GLYATL1: variants seen among roughly 807,000 people sequenced by gnomAD.
The protein encoded by GLYATL1 is glycine N-acyltransferase-like protein 1.
GLYATL1 carries 15 observed loss-of-function variants against 20.0 expected under a neutral mutation model. That is an observed-to-expected ratio of 0.75 (90% CI 0.50 to 1.15). The LOEUF (loss-of-function observed/expected upper bound fraction) is 1.15, where lower values mean the gene tolerates loss of function less well. GLYATL1 is among the 50% of genes most tolerant of loss of function. The probability of loss-of-function intolerance (pLI) is 0.00; values close to 1 mark genes in which losing one functional copy is unlikely to be tolerated. For missense variants in GLYATL1, 380 were observed against 368.5 expected (o/e 1.03, Z -0.26); for synonymous variants, 151 against 131.5 (o/e 1.15, Z -1.01).
At chr11:58,947,317 C>T in intron 3 of GLYATL1, 152 bp downstream of exon 3, 1 of 1,086,070 alleles carries the variant, frequency 9.2e-7, no homozygotes, top group East Asian at 2.6e-5. Context: ...ATATCAAGAG[C>T]TGCTGCTTCT....
upstream of GLYATL1, among the ~76,000 whole-genome samples, chr11:58,925,764 A>AT (rs1855413086): frequency 1.3e-5 from 2 of 152,202 alleles, no homozygotes; most frequent in East Asian, 3.8e-4. Context: ...AATTTAGAAA[A>AT]TTATGGGTAA....
intron 4 of GLYATL1, among the ~76,000 whole-genome samples, chr11:58,953,648 G>T (rs1422283456): frequency 2.6e-5 from 4 of 151,346 alleles, no homozygotes; most frequent in African/African-American, 9.7e-5. Context: ...TATTTACTTG[G>T]CTATTTTTGG....
At chr11:58,911,395 A>T (rs1855038853), downstream of GLYATL1, among the ~76,000 whole-genome samples, 1 of 152,206 alleles carries the variant, frequency 6.6e-6, no homozygotes, top group Non-Finnish European at 1.5e-5. Context: ...AGAAATTGTC[A>T]AAATCTTCAA....
intron 1 of GLYATL1, among the ~76,000 whole-genome samples, chr11:58,919,127 A>G (rs933037464): frequency 6.6e-6 from 1 of 152,250 alleles, no homozygotes; most frequent in African/African-American, 2.4e-5. Flanking sequence ...TGTCAGACTT[A>G]TAGGCATTCT....
rs749440967 is a variant in GLYATL1, at chr11:58,956,327, C to A, written c.*300C>A. 2.0e-5 allele frequency: 7 copies of A among 346,070 alleles called. No homozygotes were observed. The highest frequency in any genetic ancestry group is 4.3e-5 in the Admixed American group (1 of 23,522). 21.4% of individuals were successfully genotyped at this position (346,070 alleles called of 1,614,324 possible). On this transcript the variant is annotated 3_prime_UTR_variant, in exon 7 of 7. Transcript: ENST00000532726. Reference sequence around the variant, plus strand: ...CAGTTCTTACCTCTGGGAATCAGAACTCTTTATGCAACTTGGTTAATAGAA... The same window carrying A: ...CAGTTCTTACCTCTGGGAATCAGAAATCTTTATGCAACTTGGTTAATAGAA...
At position 58,943,380 on chromosome 11, in the gene GLYATL1, ACATCACTT is replaced by A. The variant is rs558661502; in HGVS notation, c.-166-162_-166-155del. The A allele has an allele frequency of 5.2e-6, 8 of 1,541,848 alleles. No homozygotes were observed. In the African/African-American group the frequency reaches 6.9e-5, roughly 13 times the overall value. ...TCTGTACCTGATTTCTGGTTCCTGTACATCACTTTACCTTTTTTGTCTATAAATTCATT... is the reference window on the plus strand; with the variant it reads ...TCTGTACCTGATTTCTGGTTCCTGTATACCTTTTTTGTCTATAAATTCATT... On this transcript the variant is annotated intron_variant, in intron 1 of 6. Coordinates refer to ENST00000532726, the MANE Select transcript of GLYATL1 (RefSeq NM_001389712.2).
downstream of GLYATL1, among the ~76,000 whole-genome samples, chr11:58,912,001 G>C (rs1217083172): frequency 6.6e-6 from 1 of 152,054 alleles, no homozygotes; most frequent in Non-Finnish European, 1.5e-5. Context: ...TGTGATATCT[G>C]GGTCAAATTT....
At chr11:58,916,824 T>C (rs1855184691) in intron 1 of GLYATL1, among the ~76,000 whole-genome samples, 3 of 152,360 alleles carry the variant, frequency 2.0e-5, no homozygotes, top group Middle Eastern at 3.4e-3. Context: ...GATTTATTGA[T>C]GTGAAAGTAC....
intron 1 of GLYATL1, among the ~76,000 whole-genome samples, chr11:58,916,807 A>T (rs1262798462): frequency 6.6e-6 from 1 of 152,266 alleles, no homozygotes; most frequent in Admixed American, 6.5e-5. Flanking sequence ...GAAGCAATGT[A>T]AGCATAGATT....
Position 58,940,666 on chromosome 11 carries a change from C to G in GLYATL1, c.-167+1016C>G, listed in dbSNP as rs180734984. Among the ~76,000 whole-genome samples the G allele has an allele frequency of 3.9e-5, 6 of 152,290 alleles. 1 individual carries two copies. The East Asian group carries it at 1.2e-3, about 29-fold the overall frequency. On this transcript the variant is annotated intron_variant, in intron 1 of 6. Coordinates refer to ENST00000532726, the MANE Select transcript of GLYATL1 (RefSeq NM_001389712.2). ...AAATGTCATCATAGTTGTCAGCATA[C>G]ATTTTTGTCTGGGTTTTGTATTTGT... is the stretch of plus-strand genomic sequence containing the variant.
upstream of GLYATL1, among the ~76,000 whole-genome samples, chr11:58,936,592 C>A (rs1855847018): frequency 6.6e-6 from 1 of 152,100 alleles, no homozygotes; most frequent in Non-Finnish European, 1.5e-5. Context: ...AGGGACTAAG[C>A]AAATAATGAA....
chr11:58,924,419 G>A (rs1855378441), upstream of GLYATL1, among the ~76,000 whole-genome samples: 1 of 152,122 alleles, frequency 6.6e-6, no homozygotes, highest in South Asian at 2.1e-4. Context: ...ATGCTCTAAG[G>A]TAAGAACCAG....
At chr11:58,917,523 G>A (rs1249578553) in intron 1 of GLYATL1, among the ~76,000 whole-genome samples, 1 of 152,214 alleles carries the variant, frequency 6.6e-6, no homozygotes, top group African/African-American at 2.4e-5. Flanking sequence ...AGTTGTGACA[G>A]GTGTATAACT....
chr11:58,924,695 C>T (rs1855386176), upstream of GLYATL1, among the ~76,000 whole-genome samples: 1 of 152,138 alleles, frequency 6.6e-6, no homozygotes, highest in Non-Finnish European at 1.5e-5. Flanking sequence ...GCAAATAATA[C>T]AAGACAATTA....
intron 1 of GLYATL1, among the ~76,000 whole-genome samples, chr11:58,913,991 A>G (rs1460532470): frequency 6.6e-6 from 1 of 152,150 alleles, no homozygotes; most frequent in Non-Finnish European, 1.5e-5. Flanking sequence ...ATGAGGCAAG[A>G]GTGGTCAGAG....
chr11:58,906,270 G>A (rs1375621761), intron 1 of GLYATL1, among the ~76,000 whole-genome samples: 1 of 152,166 alleles, frequency 6.6e-6, no homozygotes, highest in African/African-American at 2.4e-5. Context: ...AGCTTCAAAG[G>A]CCAAGAGTGT....
intron 1 of GLYATL1, among the ~76,000 whole-genome samples, chr11:58,919,057 G>T (rs1312457870): frequency 1.3e-5 from 2 of 152,190 alleles, no homozygotes; most frequent in Non-Finnish European, 2.9e-5. Context: ...GTCCTAATGT[G>T]GTTGGATTAC....
chr11:58,953,252 G>T (rs1252049665), intron 4 of GLYATL1, among the ~76,000 whole-genome samples: 1 of 152,084 alleles, frequency 6.6e-6, no homozygotes, highest in East Asian at 1.9e-4. Flanking sequence ...AGTCAATATT[G>T]ATAGTTTATT....
At chr11:58,912,773 C>T (rs1014190184), downstream of GLYATL1, among the ~76,000 whole-genome samples, 1 of 152,178 alleles carries the variant, frequency 6.6e-6, no homozygotes, top group Non-Finnish European at 1.5e-5. Context: ...ACTTTATTGA[C>T]CAGCTCCCAC....
Sources: gnomAD v4.1 joint callset for allele counts (sites outside exome capture counted in the v4.1 genomes callset) on GRCh38, gnomAD v4.1.1 for gene constraint, MANE v1.5 for transcripts, NCBI Gene and HGNC (gene_info 2026-07-23, HGNC 2026-07-21) for gene names.